The following LRRC7 variants were observed in gnomAD, a reference collection of about 807,000 sequenced individuals.
LRRC7 encodes leucine-rich repeat-containing protein 7.
Under a neutral mutation model 175.7 loss-of-function variants are expected in LRRC7, and 23 were observed. The observed-to-expected ratio is 0.13, with a 90% CI of 0.09 to 0.19. The LOEUF (loss-of-function observed/expected upper bound fraction) is 0.19. LRRC7 is among the 10% of genes least tolerant of loss of function. LRRC7 has a pLI of 1.00. For synonymous variants in LRRC7, 685 were observed against 680.9 expected (o/e 1.01, Z -0.09); for missense variants, 1,354 against 1,904.7 (o/e 0.71, Z 5.38).
intron 1 of LRRC7, among the ~76,000 whole-genome samples, chr1:69,614,913 A>G (rs1773337): frequency 0.13 from 19,516 of 152,094 alleles, 1,597 homozygotes; most frequent in South Asian, 0.19. Flanking sequence ...AGATACCTTC[A>G]CAACCTATCC....
chr1:69,723,245 G>A (rs1666569363), intron 2 of LRRC7, among the ~76,000 whole-genome samples: 1 of 152,012 alleles, frequency 6.6e-6, no homozygotes, highest in Admixed American at 6.6e-5. Flanking sequence ...TTTACAATTA[G>A]GGAACTTTTA....
chr1:69,984,619 C>A (rs1653760535), intron 9 of LRRC7, among the ~76,000 whole-genome samples: 1 of 152,128 alleles, frequency 6.6e-6, no homozygotes, highest in Non-Finnish European at 1.5e-5. Flanking sequence ...TGGGTTGATC[C>A]TTCCCTCTCC....
intron 26 of LRRC7, among the ~76,000 whole-genome samples, chr1:70,116,042 A>G (rs1378061683): frequency 2.6e-5 from 4 of 152,222 alleles, no homozygotes; most frequent in Non-Finnish European, 5.9e-5. Context: ...GAAGATGATC[A>G]TTTGATATGT....
At chr1:69,595,281 G>C (rs574205955) in intron 1 of LRRC7, among the ~76,000 whole-genome samples, 1 of 152,050 alleles carries the variant, frequency 6.6e-6, no homozygotes, top group Non-Finnish European at 1.5e-5. Flanking sequence ...TTAGCCGGGC[G>C]TGGTGGCGGG....
intron 2 of LRRC7, among the ~76,000 whole-genome samples, chr1:69,751,556 GA>G (rs1557682053): frequency 6.6e-6 from 1 of 152,116 alleles, no homozygotes. Context: ...AATTATGAAG[GA>G]AAGCACAATG....
At chr1:69,578,857 G>T (rs1646074433) in intron 1 of LRRC7, among the ~76,000 whole-genome samples, 2 of 150,492 alleles carry the variant, frequency 1.3e-5, no homozygotes, top group African/African-American at 2.4e-5. Context: ...ACGAGTTAAT[G>T]GGTGCAGCAC....
intron 1 of LRRC7, among the ~76,000 whole-genome samples, chr1:69,612,263 C>A (rs1229506761): frequency 2.0e-5 from 3 of 151,960 alleles, no homozygotes; most frequent in Non-Finnish European, 2.9e-5. Flanking sequence ...GCTACTATAT[C>A]AAAACTTGAT....
rs561081082 is a variant in LRRC7, at chr1:70,098,157, C to A, written c.4545+8338C>A. 4.1e-3 allele frequency among the ~76,000 whole-genome samples: 621 copies of A among 152,242 alleles called. 5 individuals carry two copies. Among genetic ancestry groups the A allele is most frequent in the South Asian group, 0.022 (106 of 4,820 alleles). On this transcript the variant is annotated intron_variant, in intron 25 of 26. Coordinates refer to ENST00000651989, the MANE Select transcript of LRRC7 (RefSeq NM_001370785.2). Reference sequence around the variant, plus strand: ...TGACTTTTGAATGATTGCCATTCTACCTGGTGTGAGATGGTATCTCATGGT... The same window carrying A: ...TGACTTTTGAATGATTGCCATTCTAACTGGTGTGAGATGGTATCTCATGGT...
At chr1:69,919,903 C>T in intron 7 of LRRC7, 1 of 665,776 alleles carries the variant, frequency 1.5e-6, no homozygotes, top group East Asian at 2.8e-5. Context: ...TGGCCGAACC[C>T]CCCACTCCCT....
intron 1 of LRRC7, among the ~76,000 whole-genome samples, chr1:69,584,867 C>G (rs1416775238): frequency 6.6e-6 from 1 of 151,694 alleles, no homozygotes; most frequent in Non-Finnish European, 1.5e-5. Context: ...GCCTTGTTTC[C>G]TACCACCTCA....
intron 1 of LRRC7, among the ~76,000 whole-genome samples, chr1:69,615,806 T>TA (rs1649515333): frequency 6.6e-6 from 1 of 151,952 alleles, no homozygotes; most frequent in Non-Finnish European, 1.5e-5. Flanking sequence ...AATTAAAGAT[T>TA]AAAAAATGTA....
intron 3 of LRRC7, among the ~76,000 whole-genome samples, chr1:69,786,743 A>G (rs909488585): frequency 3.9e-5 from 6 of 152,090 alleles, no homozygotes; most frequent in African/African-American, 9.7e-5. Context: ...TGATTTAATT[A>G]CCTCCCACTG....
At position 69,721,346 on chromosome 1, in the gene LRRC7, A is replaced by C. The variant is rs369790831; in HGVS notation, c.101-38845A>C. ...TTATAGTATAATACGGAATAGTTTC[A>C]CTGCCCTAAAACTCCTCTGTGCTCC... On this transcript the variant is annotated intron_variant, in intron 2 of 26. Coordinates refer to ENST00000651989, the MANE Select transcript of LRRC7 (RefSeq NM_001370785.2). Among the ~76,000 whole-genome samples the C allele has an allele frequency of 2.6e-5, 4 of 152,024 alleles. No homozygotes were observed. The East Asian group carries it at 5.8e-4, about 22-fold the overall frequency.
At chr1:70,020,768 C>T (rs970426416) in intron 15 of LRRC7, 8 of 242,100 alleles carry the variant, frequency 3.3e-5, no homozygotes, top group Non-Finnish European at 6.3e-5. Flanking sequence ...GAAAATTTCC[C>T]GATCCTGAGT....
intron 4 of LRRC7, among the ~76,000 whole-genome samples, chr1:69,797,405 AAT>A (rs1225473041): frequency 1.3e-5 from 2 of 152,202 alleles, no homozygotes; most frequent in Non-Finnish European, 2.9e-5. Context: ...AAACACTCCC[AAT>A]ATAAAGTATT....
chr1:69,794,480 T>A (rs1675486486), intron 4 of LRRC7, among the ~76,000 whole-genome samples: 1 of 152,218 alleles, frequency 6.6e-6, no homozygotes, highest in Admixed American at 6.5e-5. Context: ...AGGGCTACCA[T>A]GCTTTGAGAA....
rs528624960 is a variant in LRRC7, at chr1:70,005,886, A to C, written c.1005-5911A>C. Among the ~76,000 whole-genome samples, 6 of 152,246 alleles carry C rather than the reference A, an allele frequency of 3.9e-5. No homozygotes were observed. In the East Asian group the frequency reaches 1.2e-3, roughly 29 times the overall value. On this transcript the variant is annotated intron_variant, in intron 11 of 26. Coordinates refer to ENST00000651989, the MANE Select transcript of LRRC7 (RefSeq NM_001370785.2). ...ACTGGCATGCACACTGAAGTTTGGG[A>C]AACACTGCTTTAAAGTACTTCACAC...
At position 69,614,049 on chromosome 1, in the gene LRRC7, C is replaced by G. The variant is rs182421111; in HGVS notation, c.2+45408C>G. 1.4e-3 allele frequency among the ~76,000 whole-genome samples: 208 copies of G among 149,950 alleles called. 1 individual carries two copies. The highest frequency in any genetic ancestry group is 1.7e-3 in the Non-Finnish European group (117 of 67,906). Reference sequence around the variant, plus strand: ...AAAGTTTCAGACATTTGAAAATTATCATTTATGAATGATAATTATCATTCA... The same window carrying G: ...AAAGTTTCAGACATTTGAAAATTATGATTTATGAATGATAATTATCATTCA... On this transcript the variant is annotated intron_variant, in intron 1 of 26. Coordinates refer to ENST00000651989, the MANE Select transcript of LRRC7 (RefSeq NM_001370785.2).
intron 1 of LRRC7, among the ~76,000 whole-genome samples, chr1:69,645,063 A>G (rs1303014149): frequency 6.6e-6 from 1 of 152,034 alleles, no homozygotes; most frequent in African/African-American, 2.4e-5. Context: ...ACAAAGCAAG[A>G]ATATTCATTG....
Sources: allele counts gnomAD v4.1 joint callset (sites outside exome capture counted in the v4.1 genomes callset), GRCh38; gene constraint gnomAD v4.1.1; transcripts MANE v1.5; gene names NCBI Gene and HGNC (gene_info 2026-07-23, HGNC 2026-07-21).